NOL9: variants seen among roughly 807,000 people sequenced by gnomAD.
NOL9 encodes the protein nucleolar protein 9.
A neutral mutation model predicts 67.9 loss-of-function variants in NOL9; 28 were observed. That is an observed-to-expected ratio of 0.41 (90% CI 0.31 to 0.57). The LOEUF is 0.57. Ranked by LOEUF, NOL9 falls within the 20% of genes least tolerant of loss-of-function variation. The probability of loss-of-function intolerance (pLI) is 0.25; values close to 1 mark genes in which losing one functional copy is unlikely to be tolerated. For missense variants in NOL9, 777 were observed against 897.0 expected (o/e 0.87, Z 1.71); for synonymous variants, 356 against 352.2 (o/e 1.01, Z -0.12).
rs143656670 is a variant in NOL9 at position 6,532,632 on chromosome 1, A to G, written c.1366T>C (p.Leu456=). 2.9e-5 allele frequency: 47 copies of G among 1,614,166 alleles called. No individual in the cohort carries two copies. The African/African-American group carries it at 4.4e-4, about 15-fold the overall frequency. The change falls in exon 8 of 12, where the codon TTG becomes CTG. Residue 456 remains leucine, a synonymous_variant. Coordinates refer to ENST00000377705, the MANE Select transcript of NOL9 (RefSeq NM_024654.5). ...ATCTTGGTCTTGCTTTTTGTGTACA[A>G]GCCATCCATGTCATCTACATACTGC... is the stretch of plus-strand genomic sequence containing the variant. The part of the protein sequence containing the change: ...TPQYVDDMDG[L]YTKSKTKMRN...
chr1:6,526,918 T>A, intron 10 of NOL9, 89 bp from the exon 11 acceptor site: 1 of 1,431,082 alleles, frequency 7.0e-7, no homozygotes. Flanking sequence ...GTTTTGAACA[T>A]AAGTCTTTAT....
At chr1:6,543,190 A>C (rs1570070607) in intron 5 of NOL9, among the ~76,000 whole-genome samples, 1 of 127,486 alleles carries the variant, frequency 7.8e-6, no homozygotes, top group Non-Finnish European at 1.6e-5. Flanking sequence ...CACGGTGCCC[A>C]GCCTTTTTTT....
At chr1:6,553,297 G>A (rs1427878299) in intron 1 of NOL9, among the ~76,000 whole-genome samples, 1 of 152,028 alleles carries the variant, frequency 6.6e-6, no homozygotes, top group East Asian at 1.9e-4. Flanking sequence ...GCATTAGACA[G>A]GGAATCTCCA....
chr1:6,529,619 A>C (rs1570040782), intron 9 of NOL9, among the ~76,000 whole-genome samples: 1 of 151,846 alleles, frequency 6.6e-6, no homozygotes, highest in East Asian at 1.9e-4. Flanking sequence ...AAATAAAAAT[A>C]AAAAATAAAA....
chr1:6,537,793 A>G (rs1044392286), intron 6 of NOL9, among the ~76,000 whole-genome samples: 3 of 152,244 alleles, frequency 2.0e-5, no homozygotes, highest in Admixed American at 1.3e-4. Flanking sequence ...CTATATGAAA[A>G]TATTAATTCA....
At chr1:6,531,549 G>A (rs971993888) in intron 9 of NOL9, among the ~76,000 whole-genome samples, 4 of 152,106 alleles carry the variant, frequency 2.6e-5, no homozygotes, top group Non-Finnish European at 4.4e-5. Context: ...CTGGGTGCCA[G>A]GTTCCACTGT....
At chr1:6,539,863 A>AT (rs1313265424) in intron 6 of NOL9, among the ~76,000 whole-genome samples, 53 of 152,368 alleles carry the variant, frequency 3.5e-4, no homozygotes, top group African/African-American at 1.1e-3. Flanking sequence ...CAGACAAAGG[A>AT]TAAGTATTGT....
Position 6,526,840 on chromosome 1 carries a change from C to A in NOL9, c.1826-11G>T. The A allele has an allele frequency of 6.4e-7, 1 of 1,573,378 alleles. No individual in the cohort carries two copies. Among genetic ancestry groups the A allele is most frequent in the Admixed American group, 2.0e-5 (1 of 50,520 alleles). On this transcript the variant is annotated splice_polypyrimidine_tract_variant and intron_variant, in intron 10 of 11. Coordinates refer to ENST00000377705, the MANE Select transcript of NOL9 (RefSeq NM_024654.5). ...TGCCTCTACAGATGCCTTCAAGACA[C>A]GCGCACAACACAAAAATCACCCTTT...
intron 3 of NOL9, 101 bp from the exon 4 acceptor site, chr1:6,545,281 A>G: frequency 1.6e-6 from 2 of 1,232,194 alleles, no homozygotes; most frequent in Non-Finnish European, 2.3e-6. Flanking sequence ...GAGAAGATAA[A>G]TTGTTTCCTC....
At chr1:6,535,731 A>G (rs1434399800) in intron 6 of NOL9, among the ~76,000 whole-genome samples, 1 of 152,126 alleles carries the variant, frequency 6.6e-6, no homozygotes, top group South Asian at 2.1e-4. Context: ...GTTCGAGACC[A>G]GCCTGGCCAA....
Position 6,545,033 on chromosome 1 carries a change from T to C in NOL9, c.880+12A>G. ...GGACAGACATTCAGGGTGATCAATG[T>C]GTATTACTCACCACAGGAAACATTG... On this transcript the variant is annotated intron_variant, in intron 4 of 11. Transcript: ENST00000377705. 6.2e-7 allele frequency: 1 copy of C among 1,614,122 alleles called. No individual in the cohort carries two copies. Among genetic ancestry groups the C allele is most frequent in the Non-Finnish European group, 8.5e-7 (1 of 1,180,002 alleles).
At position 6,554,345 on chromosome 1, in the gene NOL9, A is replaced by G; in HGVS notation, c.158T>C (p.Leu53Pro). The change falls in exon 1 of 12, where the codon CTG becomes CCG. Residue 53 changes from leucine to proline, a missense_variant. This residue lies in a region of NOL9 where 364 missense variants were observed against 344.4 expected (regional missense o/e 1.06). Transcript: ENST00000377705. The part of the protein sequence containing the change: ...CGRRRLRWRL[L>P]QAQASGVDWR... ...GTCCACGCCGGACGCCTGGGCTTGC[A>G]GTAACCGCCACCGTAGGCGCCGCCG... 6.9e-7 allele frequency: 1 copy of G among 1,459,658 alleles called. No homozygotes were observed. The highest frequency in any genetic ancestry group is 9.0e-7 in the Non-Finnish European group (1 of 1,112,532). The allele number at this position is 1,459,658 out of a possible 1,614,324, so 90.4% of individuals were successfully genotyped here. A position where few individuals can be genotyped will look rare whatever the true frequency, so the allele number is the denominator to read the frequency against.
intron 6 of NOL9, 90 bp downstream of exon 6, chr1:6,541,740 T>C (rs1639296636): frequency 1.4e-6 from 1 of 721,018 alleles, no homozygotes; most frequent in Non-Finnish European, 2.2e-6. Flanking sequence ...CCTTTTAATA[T>C]TTTATACTCT....
chr1:6,550,967 G>A (rs1490028494), intron 1 of NOL9, among the ~76,000 whole-genome samples: 1 of 152,072 alleles, frequency 6.6e-6, no homozygotes, highest in Non-Finnish European at 1.5e-5. Flanking sequence ...ACAGGCGTGC[G>A]CCACCGCACC....
rs764487629 is a variant in NOL9, at chr1:6,529,076, G to A, written c.1743C>T (p.Cys581=). The A allele has an allele frequency of 5.6e-6, 9 of 1,614,096 alleles. No individual in the cohort carries two copies. The highest frequency in any genetic ancestry group is 3.3e-5 in the South Asian group (3 of 91,088). The part of the protein sequence containing the change: ...YAVNASWVGL[C]KIQDDVRGYT... ...ATCCTCTGACGTCATCCTGGATCTT[G>A]CAAAGACCAACCCAGCTGGCGTTTA... The change falls in exon 10 of 12, where the codon TGC becomes TGT. Residue 581 remains cysteine, a synonymous_variant. Transcript: ENST00000377705.
intron 6 of NOL9, among the ~76,000 whole-genome samples, chr1:6,537,144 G>A (rs544270238): frequency 6.6e-5 from 10 of 152,092 alleles, no homozygotes; most frequent in African/African-American, 2.2e-4. Context: ...AAAACAAGGG[G>A]GAAGGACAGT....
At position 6,529,105 on chromosome 1, in the gene NOL9, C is replaced by A. The variant is rs372889002; in HGVS notation, c.1714G>T (p.Ala572Ser). Residue 572 changes from alanine (A) to serine (S), a missense_variant, in exon 10 of 12, where the codon GCT becomes TCT. Around this residue, in one of 2 missense-constraint regions of NOL9, gnomAD observed 413 missense variants for 552.6 expected, o/e 0.75. Transcript: ENST00000377705. ...SDVAPTHILYAVNASWVGLCK... is the reference protein window; with the variant it reads ...SDVAPTHILYSVNASWVGLCK... ...AGACCAACCCAGCTGGCGTTTACAG[C>A]ATATAGTATATGGGTAGGGGCGACA... 8.4e-5 allele frequency: 135 copies of A among 1,613,952 alleles called. No individual in the cohort carries two copies. The Middle Eastern group carries it at 9.9e-4, about 12-fold the overall frequency.
chr1:6,551,687 C>CT (rs1408711211), intron 1 of NOL9, among the ~76,000 whole-genome samples: 3 of 152,042 alleles, frequency 2.0e-5, no homozygotes, highest in African/African-American at 7.2e-5. Context: ...TTTGCAGGGA[C>CT]TTGGATGGAG....
chr1:6,552,822 T>A (rs1294902987), intron 1 of NOL9, among the ~76,000 whole-genome samples: 1 of 152,024 alleles, frequency 6.6e-6, no homozygotes, highest in East Asian at 1.9e-4. Flanking sequence ...CCTTTCTTCC[T>A]TTCTTTCGAG....
Sources: gnomAD v4.1 joint callset for allele counts (sites outside exome capture counted in the v4.1 genomes callset) on GRCh38, gnomAD v4.1.1 for gene constraint, gnomAD v4.1.1 regional missense constraint, MANE v1.5 for transcripts, NCBI Gene and HGNC (gene_info 2026-07-23, HGNC 2026-07-21) for gene names.